NFIX: variants seen among roughly 807,000 people sequenced by gnomAD.
NFIX encodes the protein nuclear factor I X.
NFIX carries 2 observed loss-of-function variants against 53.3 expected under a neutral mutation model. The observed-to-expected ratio is 0.04, with a 90% confidence interval of 0.02 to 0.12. The LOEUF (loss-of-function observed/expected upper bound fraction) is 0.12. Ranked by LOEUF, NFIX falls within the 10% of genes least tolerant of loss-of-function variation. The probability of loss-of-function intolerance (pLI) is 1.00; values close to 1 mark genes in which losing one functional copy is unlikely to be tolerated. For missense variants in NFIX, 310 were observed against 674.5 expected (o/e 0.46, Z 5.99); for synonymous variants, 244 against 289.0 (o/e 0.84, Z 1.58).
chr19:13,052,173 A>G lies in NFIX; in HGVS notation c.560-20874A>G, dbSNP rs2015369686. 1.3e-5 allele frequency among the ~76,000 whole-genome samples: 2 copies of G among 152,100 alleles called. No homozygotes were observed. The highest frequency in any genetic ancestry group is 2.4e-5 in the African/African-American group (1 of 41,414). On this transcript the variant is annotated intron_variant, in intron 2 of 10. Transcript: ENST00000592199. This position sits in a 1 kb window ranked among gnomAD's most constrained non-coding sequence, Gnocchi z 5.2. ...AAAATGCAGATCCTGGGGCTTGTCC[A>G]AGTGGGTAGGTCTGGGCAGGGCTCG... is the stretch of plus-strand genomic sequence containing the variant.
intron 2 of NFIX, among the ~76,000 whole-genome samples, chr19:13,032,433 T>C (rs2145223867): frequency 6.6e-6 from 1 of 152,330 alleles, no homozygotes; most frequent in East Asian, 1.9e-4. Context: ...GTCTGAGGTG[T>C]CTGGCACATG....
In NFIX at chr19:13,011,218, C is replaced by T. The variant is rs1347481392; in HGVS notation, c.28-13803C>T. Among the ~76,000 whole-genome samples the T allele has an allele frequency of 6.6e-6, 1 of 152,220 alleles. No individual in the cohort carries two copies. The highest frequency in any genetic ancestry group is 1.5e-5 in the Non-Finnish European group (1 of 68,038). On this transcript the variant is annotated intron_variant, in intron 1 of 10. Coordinates refer to ENST00000592199, the MANE Select transcript of NFIX (RefSeq NM_001365902.3). The surrounding 1 kb of genome is among the most constrained non-coding windows in gnomAD (Gnocchi z 6.5). ...CTCCCCCAAGGGCCGGACTGCAGCT[C>T]CGAATCCCGCAGCCCCAGAAACACA...
rs961770728 is a variant in NFIX at position 13,027,081 on chromosome 19, A to G, written c.559+1529A>G. Among the ~76,000 whole-genome samples, 7 of 152,130 alleles carry G rather than the reference A, an allele frequency of 4.6e-5. No individual in the cohort carries two copies. The South Asian group carries it at 1.0e-3, about 22-fold the overall frequency. The stretch of plus-strand genomic sequence containing the variant: ...AGACTAGAGTGAGCCCTGAGTTTAC[A>G]TGTTGGAGAACTGTGGAGAGGAGAA... On this transcript the variant is annotated intron_variant, in intron 2 of 10. Transcript: ENST00000592199. The surrounding 1 kb of genome is among the most constrained non-coding windows in gnomAD (Gnocchi z 4.3).
rs1385573576 is a variant in NFIX, at chr19:13,011,142, C to G, written c.28-13879C>G. Among the ~76,000 whole-genome samples the G allele has an allele frequency of 1.3e-5, 2 of 152,164 alleles. No individual in the cohort carries two copies. Among genetic ancestry groups the G allele is most frequent in the African/African-American group, 4.8e-5 (2 of 41,430 alleles). ...AGGGGGAGGCGGGAGCAGCCCTCCCCCTCTCCACTGCGGACGGACATCCCA... is the reference window on the plus strand; with the variant it reads ...AGGGGGAGGCGGGAGCAGCCCTCCCGCTCTCCACTGCGGACGGACATCCCA... On this transcript the variant is annotated intron_variant, in intron 1 of 10. Coordinates refer to ENST00000592199, the MANE Select transcript of NFIX (RefSeq NM_001365902.3). The surrounding 1 kb of genome is among the most constrained non-coding windows in gnomAD (Gnocchi z 6.5).
chr19:13,035,253 C>CTGTG (rs1391337343), intron 2 of NFIX, among the ~76,000 whole-genome samples: 1 of 152,200 alleles, frequency 6.6e-6, no homozygotes, highest in Non-Finnish European at 1.5e-5. Flanking sequence ...CCTGTGTGTC[C>CTGTG]TGTGTTGTTT....
chr19:13,083,864 C>A (rs2017618924), intron 8 of NFIX, among the ~76,000 whole-genome samples: 1 of 152,238 alleles, frequency 6.6e-6, no homozygotes. Flanking sequence ...GAGGGCCCGG[C>A]TCCGCCACTG....
chr19:13,028,174 T>C lies in NFIX; in HGVS notation c.559+2622T>C, dbSNP rs1304824666. On this transcript the variant is annotated intron_variant, in intron 2 of 10. Transcript: ENST00000592199. The surrounding 1 kb of genome is among the most constrained non-coding windows in gnomAD (Gnocchi z 4.2). ...GCTGAGCCACCAAAGAGCATCGATC[T>C]GTGGGCACCACTTTCTCCATGCCCA... 1.3e-5 allele frequency among the ~76,000 whole-genome samples: 2 copies of C among 152,354 alleles called. No homozygotes were observed. Among genetic ancestry groups the C allele is most frequent in the East Asian group, 3.9e-4 (2 of 5,188 alleles).
At position 13,073,013 on chromosome 19, in the gene NFIX, C is replaced by T. The variant is rs2016858347; in HGVS notation, c.560-34C>T. The stretch of plus-strand genomic sequence containing the variant: ...GCTGGTGCTTATGGGGAACTTTGCT[C>T]CTGATACATTCTCCCCTTTTGTGTC... On this transcript the variant is annotated intron_variant, in intron 2 of 10. Transcript: ENST00000592199. The surrounding 1 kb of genome is among the most constrained non-coding windows in gnomAD (Gnocchi z 4.5). 3 of 1,609,468 alleles carry T rather than the reference C, an allele frequency of 1.9e-6. No individual in the cohort carries two copies. The highest frequency in any genetic ancestry group is 2.2e-5 in the East Asian group (1 of 44,856).
intron 1 of NFIX, among the ~76,000 whole-genome samples, chr19:13,019,727 G>GTTTTTTTTTTTTTTT (rs201956443): frequency 8.1e-6 from 1 of 124,024 alleles, no homozygotes; most frequent in African/African-American, 3.3e-5. Context: ...TTTTTTGTTT[G>GTTTTTTTTTTTTTTT]TTTGTTTTTT....
rs1035700813 is a variant in NFIX at position 13,028,452 on chromosome 19, C to A, written c.559+2900C>A. 6.6e-6 allele frequency among the ~76,000 whole-genome samples: 1 copy of A among 152,132 alleles called. No homozygotes were observed. The highest frequency in any genetic ancestry group is 1.5e-5 in the Non-Finnish European group (1 of 68,032). Reference sequence around the variant, plus strand: ...GCTTTGCTCCCAGGTGCCATTGTCACCCATGGCCTTCCTGAGCCCTTGTTA... The same window carrying A: ...GCTTTGCTCCCAGGTGCCATTGTCAACCATGGCCTTCCTGAGCCCTTGTTA... On this transcript the variant is annotated intron_variant, in intron 2 of 10. Coordinates refer to ENST00000592199, the MANE Select transcript of NFIX (RefSeq NM_001365902.3). This position sits in a 1 kb window ranked among gnomAD's most constrained non-coding sequence, Gnocchi z 4.2.
In NFIX at chr19:12,996,295, TC is replaced by T. The variant is rs1467474555; in HGVS notation, c.27+434del. 2.0e-5 allele frequency among the ~76,000 whole-genome samples: 3 copies of T among 151,718 alleles called. No individual in the cohort carries two copies. The highest frequency in any genetic ancestry group is 4.4e-5 in the Non-Finnish European group (3 of 67,890). On this transcript the variant is annotated intron_variant, in intron 1 of 10. Transcript: ENST00000592199. The surrounding 1 kb of genome is among the most constrained non-coding windows in gnomAD (Gnocchi z 5.2). ...GGTTGACAGAGTGGCAAGAGGGTGG[TC>T]CCGAGGGCGCAGAGGGGACACTGGG... is the stretch of plus-strand genomic sequence containing the variant.
Position 13,088,218 on chromosome 19 carries a change from T to G in NFIX, c.1402+82T>G. On this transcript the variant is annotated intron_variant, in intron 9 of 10. Transcript: ENST00000592199. The surrounding 1 kb of genome is among the most constrained non-coding windows in gnomAD (Gnocchi z 5.9). ...AGTCTCCACTGCAAAAAGAAAAGCC[T>G]TCCCCCTCCCCACCACCAAAGCCCC... The G allele has an allele frequency of 6.8e-7, 1 of 1,460,516 alleles. No homozygotes were observed. Among genetic ancestry groups the G allele is most frequent in the Non-Finnish European group, 9.2e-7 (1 of 1,092,284 alleles). The allele number at this position is 1,460,516 out of a possible 1,614,324, so 90.5% of individuals were successfully genotyped here. A position where few individuals can be genotyped will look rare whatever the true frequency, so the allele number is the denominator to read the frequency against.
intron 2 of NFIX, among the ~76,000 whole-genome samples, chr19:13,044,500 G>A (rs2014856675): frequency 6.6e-6 from 1 of 152,178 alleles, no homozygotes. Context: ...AACAACGTAA[G>A]AGGAAACTTC....
At chr19:13,003,178 G>A (rs1171819857) in intron 1 of NFIX, among the ~76,000 whole-genome samples, 1 of 151,900 alleles carries the variant, frequency 6.6e-6, no homozygotes, top group Non-Finnish European at 1.5e-5. Flanking sequence ...AAAGAATCAC[G>A]CTGACACACA....
At position 13,022,020 on chromosome 19, in the gene NFIX, G is replaced by T. The variant is rs1193732688; in HGVS notation, c.28-3001G>T. On this transcript the variant is annotated intron_variant, in intron 1 of 10. Coordinates refer to ENST00000592199, the MANE Select transcript of NFIX (RefSeq NM_001365902.3). The surrounding 1 kb of genome is among the most constrained non-coding windows in gnomAD (Gnocchi z 4.5). ...TAGTCTAAATTGATTTGGGAGACAG[G>T]TAAGAAAACTAATCTCAGGTCAACT... Among the ~76,000 whole-genome samples the T allele has an allele frequency of 1.3e-5, 2 of 152,156 alleles. No homozygotes were observed. Among genetic ancestry groups the T allele is most frequent in the Non-Finnish European group, 2.9e-5 (2 of 68,032 alleles).
Position 13,052,801 on chromosome 19 carries a change from C to T in NFIX, c.560-20246C>T, listed in dbSNP as rs980264022. Among the ~76,000 whole-genome samples, 5 of 152,182 alleles carry T rather than the reference C, an allele frequency of 3.3e-5. No individual in the cohort carries two copies. Among genetic ancestry groups the T allele is most frequent in the Non-Finnish European group, 7.3e-5 (5 of 68,030 alleles). ...CCCTGCACCCGTCCACACACACAGA[C>T]CAGAGGAGTGAGGATGATGAGGACA... is the stretch of plus-strand genomic sequence containing the variant. On this transcript the variant is annotated intron_variant, in intron 2 of 10. Transcript: ENST00000592199. The surrounding 1 kb of genome is among the most constrained non-coding windows in gnomAD (Gnocchi z 5.2).
chr19:13,061,268 A>G lies in NFIX; in HGVS notation c.560-11779A>G, dbSNP rs1463076763. ...AGTCCCCTTTCCATCCGGCCCATGCACCGCAAGCTGTTCCTAATCAATGCG... is the reference window on the plus strand; with the variant it reads ...AGTCCCCTTTCCATCCGGCCCATGCGCCGCAAGCTGTTCCTAATCAATGCG... On this transcript the variant is annotated intron_variant, in intron 2 of 10. Coordinates refer to ENST00000592199, the MANE Select transcript of NFIX (RefSeq NM_001365902.3). 1.3e-5 allele frequency among the ~76,000 whole-genome samples: 2 copies of G among 152,198 alleles called. 1 individual carries two copies. Among genetic ancestry groups the G allele is most frequent in the Admixed American group, 1.3e-4 (2 of 15,288 alleles).
Position 13,028,997 on chromosome 19 carries a change from C to T in NFIX, c.559+3445C>T, listed in dbSNP as rs556590312. ...GAGCGAATGGAACTGTCAGCGTCAC[C>T]CTGTCAGATCCCTCCTGTGCGCCTG... On this transcript the variant is annotated intron_variant, in intron 2 of 10. Coordinates refer to ENST00000592199, the MANE Select transcript of NFIX (RefSeq NM_001365902.3). The surrounding 1 kb of genome is among the most constrained non-coding windows in gnomAD (Gnocchi z 4.2). Among the ~76,000 whole-genome samples, 116 of 152,292 alleles carry T rather than the reference C, an allele frequency of 7.6e-4. No individual in the cohort carries two copies. The highest frequency in any genetic ancestry group is 2.7e-3 in the African/African-American group (113 of 41,550).
intron 2 of NFIX, chr19:13,070,879 C>G (rs1312397758): frequency 6.6e-6 from 1 of 152,342 alleles, no homozygotes; most frequent in African/African-American, 2.4e-5. Flanking sequence ...GTCGCTGGCC[C>G]ACCTCCATCT....
Sources: allele counts gnomAD v4.1 joint callset (sites outside exome capture counted in the v4.1 genomes callset), GRCh38; gene constraint gnomAD v4.1.1; non-coding constraint Gnocchi (gnomAD v3.1); transcripts MANE v1.5; gene names NCBI Gene and HGNC (gene_info 2026-07-23, HGNC 2026-07-21).